The following LRCH1 variants were observed in gnomAD, a reference collection of about 807,000 sequenced individuals.
The protein encoded by LRCH1 is leucine rich repeats and calponin homology domain containing 1.
Under a neutral mutation model 94.9 loss-of-function variants are expected in LRCH1, and 23 were observed. The ratio of observed to expected loss-of-function variants is 0.24; its 90% confidence interval spans 0.17 to 0.34. The LOEUF is 0.34. Ranked by LOEUF, LRCH1 falls within the 10% of genes least tolerant of loss-of-function variation. The pLI, the probability that LRCH1 is intolerant of heterozygous loss-of-function variation, is 1.00. For missense variants in LRCH1, 790 were observed against 945.9 expected, an observed-to-expected ratio of 0.84 and a Z score of 2.16; for synonymous variants, 364 against 354.9, an observed-to-expected ratio of 1.03 and a Z score of -0.29.
chr13:46,593,343 G>T (rs557448333), intron 1 of LRCH1, among the ~76,000 whole-genome samples: 12 of 118,576 alleles, frequency 1.0e-4, no homozygotes, highest in Admixed American at 3.7e-4. Context: ...AGACAAATTT[G>T]GTTTTTCTAG....
At chr13:46,702,211 G>A (rs201816203) in intron 11 of LRCH1, among the ~76,000 whole-genome samples, 1 of 118,264 alleles carries the variant, frequency 8.5e-6, no homozygotes, top group African/African-American at 3.4e-5. Flanking sequence ...GAAGTTATAA[G>A]TGTAACTGGG....
intron 4 of LRCH1, among the ~76,000 whole-genome samples, chr13:46,683,627 C>T (rs988085090): frequency 4.6e-5 from 7 of 152,110 alleles, no homozygotes. Flanking sequence ...CTCTCATTTT[C>T]AAAAGGAAAA....
chr13:46,573,484 C>T (rs562709902), intron 1 of LRCH1, among the ~76,000 whole-genome samples: 32 of 152,194 alleles, frequency 2.1e-4, no homozygotes, highest in African/African-American at 7.7e-4. Flanking sequence ...TCCTAAGTGT[C>T]CATCAACAGA....
chr13:46,748,245 T>C (rs1873987657), downstream of LRCH1, among the ~76,000 whole-genome samples: 1 of 151,940 alleles, frequency 6.6e-6, no homozygotes, highest in Non-Finnish European at 1.5e-5. Flanking sequence ...TACTAAATAT[T>C]CACCTTTATG....
intron 1 of LRCH1, among the ~76,000 whole-genome samples, chr13:46,567,112 T>C (rs956838486): frequency 6.6e-6 from 1 of 152,108 alleles, no homozygotes; most frequent in African/African-American, 2.4e-5. Context: ...AACAGTTTAC[T>C]GATATTTACT....
In LRCH1 at chr13:46,734,075, G is replaced by A. The variant is rs1231469689; in HGVS notation, c.2085+77G>A. 6 of 677,568 alleles carry A rather than the reference G, an allele frequency of 8.9e-6. No homozygotes were observed. In the East Asian group the frequency reaches 8.9e-5, roughly 10 times the overall value. The allele number at this position is 677,568 out of a possible 1,614,324, so 42.0% of individuals were successfully genotyped here. A position where few individuals can be genotyped will look rare whatever the true frequency, so the allele number is the denominator to read the frequency against. On this transcript the variant is annotated intron_variant, in intron 19 of 19. Coordinates refer to ENST00000389797, the MANE Select transcript of LRCH1 (RefSeq NM_001164211.2). ...ATATATGAGTTTGAACCATTGAATC[G>A]ATGCAAAGCTTTGTACATGCTTTTT... is the stretch of plus-strand genomic sequence containing the variant.
chr13:46,578,672 C>T (rs1181649763), intron 1 of LRCH1, among the ~76,000 whole-genome samples: 1 of 152,198 alleles, frequency 6.6e-6, no homozygotes, highest in Non-Finnish European at 1.5e-5. Flanking sequence ...AGAACTGAAA[C>T]AGCTTAGCAA....
chr13:46,708,884 T>C (rs950000592), intron 13 of LRCH1, among the ~76,000 whole-genome samples: 2 of 152,188 alleles, frequency 1.3e-5, no homozygotes, highest in Non-Finnish European at 2.9e-5. Context: ...CTTAGCATTC[T>C]CACTTGAAGT....
chr13:46,564,900 TC>T (rs1015586103), intron 1 of LRCH1, among the ~76,000 whole-genome samples: 36 of 152,330 alleles, frequency 2.4e-4, no homozygotes, highest in Admixed American at 7.8e-4. Flanking sequence ...CCTGTCACTT[TC>T]TGTCCTTAAT....
At chr13:46,636,619 C>T (rs1204419425) in intron 1 of LRCH1, among the ~76,000 whole-genome samples, 1 of 152,180 alleles carries the variant, frequency 6.6e-6, no homozygotes, top group Non-Finnish European at 1.5e-5. Context: ...TTTGCTCCTA[C>T]ATTCCCCCTC....
rs977160551 is a variant in LRCH1 at position 46,650,732 on chromosome 13, AAAAAAAAAAAG to A, written c.452+389_452+399del. 8.2e-5 allele frequency among the ~76,000 whole-genome samples: 12 copies of A among 145,844 alleles called. 1 individual carries two copies. Among genetic ancestry groups the A allele is most frequent in the African/African-American group, 3.0e-4 (12 of 40,442 alleles). ...AGGACAAACAAGGAGCAAAAAAAAA[AAAAAAAAAAAG>A]AGAAAGCCTGGGTGATCTTTGGCAA... On this transcript the variant is annotated intron_variant, in intron 2 of 19. Coordinates refer to ENST00000389797, the MANE Select transcript of LRCH1 (RefSeq NM_001164211.2).
chr13:46,694,457 T>G (rs1306804446), intron 8 of LRCH1, among the ~76,000 whole-genome samples: 1 of 152,210 alleles, frequency 6.6e-6, no homozygotes, highest in African/African-American at 2.4e-5. Context: ...TATTTGCTGT[T>G]TAAGGACAGG....
intron 18 of LRCH1, among the ~76,000 whole-genome samples, chr13:46,731,973 T>C (rs1253971064): frequency 6.6e-6 from 1 of 152,254 alleles, no homozygotes; most frequent in African/African-American, 2.4e-5. Flanking sequence ...TATCCTGTAT[T>C]ATACTGTACC....
intron 1 of LRCH1, among the ~76,000 whole-genome samples, chr13:46,565,551 C>G (rs1389370581): frequency 1.3e-5 from 2 of 151,982 alleles, no homozygotes; most frequent in East Asian, 3.9e-4. Flanking sequence ...ATGGCTCATA[C>G]CTGTAATCCT....
At chr13:46,696,195 TACACACAC>T (rs10553999) in intron 9 of LRCH1, among the ~76,000 whole-genome samples, 1,560 of 147,166 alleles carry the variant, frequency 0.011, 31 homozygotes, top group African/African-American at 0.03. Context: ...TGCATGTGTG[TACACACAC>T]ACACACACAC....
chr13:46,625,445 G>T (rs1594295659), intron 1 of LRCH1, among the ~76,000 whole-genome samples: 2 of 152,120 alleles, frequency 1.3e-5, no homozygotes, highest in African/African-American at 2.4e-5. Flanking sequence ...ACATGAATGG[G>T]ATGTCTTTAT....
chr13:46,701,273 G>A, intron 11 of LRCH1, 66 bp downstream of exon 11: 2 of 1,168,148 alleles, frequency 1.7e-6, no homozygotes, highest in Non-Finnish European at 2.5e-6. Flanking sequence ...GGAGTACATT[G>A]TCTAAATTCC....
intron 17 of LRCH1, among the ~76,000 whole-genome samples, chr13:46,724,935 CAA>C (rs1872742131): frequency 6.6e-6 from 1 of 152,116 alleles, no homozygotes; most frequent in Non-Finnish European, 1.5e-5. Flanking sequence ...TTCACAGAAA[CAA>C]AGACTTGGGA....
chr13:46,728,518 A>G (rs1419097684), intron 17 of LRCH1, among the ~76,000 whole-genome samples: 3 of 152,228 alleles, frequency 2.0e-5, no homozygotes, highest in African/African-American at 7.2e-5. Flanking sequence ...GCCCGACCAG[A>G]GAAAAGCATT....
Sources: allele counts gnomAD v4.1 joint callset (sites outside exome capture counted in the v4.1 genomes callset), GRCh38; gene constraint gnomAD v4.1.1; transcripts MANE v1.5; gene names NCBI Gene and HGNC (gene_info 2026-07-23, HGNC 2026-07-21).